The following EEF2K variants were observed in gnomAD, a reference collection of about 807,000 sequenced individuals.
EEF2K encodes alternative protein EEF2K.
In EEF2K, 70 loss-of-function variants were observed where a neutral mutation model predicts 93.8. The ratio of observed to expected loss-of-function variants is 0.75; its 90% CI spans 0.62 to 0.91. EEF2K has a LOEUF of 0.91. Among genes scored for constraint, EEF2K ranks in the 40% least tolerant of loss-of-function variants. EEF2K has a pLI of 0.00. For synonymous variants in EEF2K, 376 were observed against 380.8 expected, an observed-to-expected ratio of 0.99 and a Z score of 0.15; for missense variants, 935 against 972.9, an observed-to-expected ratio of 0.96 and a Z score of 0.52.
chr16:22,210,530 CT>C (rs1490258982), intron 1 of EEF2K, among the ~76,000 whole-genome samples: 2 of 152,164 alleles, frequency 1.3e-5, no homozygotes, highest in Non-Finnish European at 2.9e-5. Context: ...TGGTCCCATA[CT>C]TTTAGAAGCG....
chr16:22,252,053 C>T (rs929530239), intron 6 of EEF2K, among the ~76,000 whole-genome samples: 1 of 152,170 alleles, frequency 6.6e-6, no homozygotes, highest in Non-Finnish European at 1.5e-5. Flanking sequence ...CTCGGCCTCC[C>T]AAAGGGCTGG....
intron 2 of EEF2K, among the ~76,000 whole-genome samples, chr16:22,227,575 C>T (rs2047076204): frequency 6.6e-6 from 1 of 152,106 alleles, no homozygotes; most frequent in Admixed American, 6.6e-5. Context: ...TAGGTGCCAG[C>T]GTGGGTACTT....
intron 15 of EEF2K, among the ~76,000 whole-genome samples, chr16:22,268,641 T>G (rs2047548104): frequency 6.7e-6 from 1 of 149,860 alleles, no homozygotes; most frequent in Non-Finnish European, 1.5e-5. Context: ...CAAAGAAGTT[T>G]TTTTTTTTAA....
chr16:22,254,166 G>A (rs1272548672), intron 6 of EEF2K, among the ~76,000 whole-genome samples: 1 of 152,110 alleles, frequency 6.6e-6, no homozygotes, highest in Non-Finnish European at 1.5e-5. Context: ...TTGACTTAAG[G>A]GAGGGAGAGA....
chr16:22,272,433 C>T (rs554413623), intron 15 of EEF2K, among the ~76,000 whole-genome samples: 10 of 152,262 alleles, frequency 6.6e-5, no homozygotes, highest in Admixed American at 6.5e-4. Context: ...TCGCAAAGGA[C>T]CACATATTGT....
At chr16:22,250,023 C>T (rs1172824127) in intron 4 of EEF2K, among the ~76,000 whole-genome samples, 2 of 151,820 alleles carry the variant, frequency 1.3e-5, no homozygotes, top group Non-Finnish European at 2.9e-5. Context: ...CTCAGGTGAT[C>T]CACCCACCTC....
intron 16 of EEF2K, among the ~76,000 whole-genome samples, chr16:22,276,776 G>A (rs1337597855): frequency 2.6e-5 from 4 of 152,100 alleles, no homozygotes; most frequent in Admixed American, 2.0e-4. Flanking sequence ...TGTTAAAACC[G>A]AGCCCAGCAT....
chr16:22,215,540 T>C (rs947883440), intron 1 of EEF2K, among the ~76,000 whole-genome samples: 2 of 152,300 alleles, frequency 1.3e-5, no homozygotes, highest in African/African-American at 4.8e-5. Context: ...TGAGCACCCA[T>C]TATATGCTAG....
At position 22,273,713 on chromosome 16, in the gene EEF2K, C is replaced by A; in HGVS notation, c.1852C>A (p.Arg618=). 1 of 1,614,012 alleles carries A rather than the reference C, an allele frequency of 6.2e-7. No individual in the cohort carries two copies. Among genetic ancestry groups the A allele is most frequent in the South Asian group, 1.1e-5 (1 of 91,076 alleles). ...GDRQSMILVA[R]AFDSGQNLSP... ...CAGGCAGTCCATGATCCTAGTGGCG[C>A]GAGCTTTTGACTCTGGCCAGAACCT... Residue 618 remains arginine (R), a synonymous_variant, in exon 16 of 18, where the codon CGA becomes AGA. Transcript: ENST00000263026.
chr16:22,213,447 A>G (rs1450317853), intron 1 of EEF2K, among the ~76,000 whole-genome samples: 1 of 152,206 alleles, frequency 6.6e-6, no homozygotes, highest in South Asian at 2.1e-4. Context: ...TTGCACCCCT[A>G]GAGTTTCAAC....
Position 22,225,684 on chromosome 16 carries a change from C to G in EEF2K, c.-46C>G. Reference sequence around the variant, plus strand: ...TCGCCTCTGCATTTGTCCAGTAACTCTGGCTGTGCCGGATACTGCTTGGGT... The same window carrying G: ...TCGCCTCTGCATTTGTCCAGTAACTGTGGCTGTGCCGGATACTGCTTGGGT... On this transcript the variant is annotated 5_prime_UTR_variant, in exon 2 of 18. Coordinates refer to ENST00000263026, the MANE Select transcript of EEF2K (RefSeq NM_013302.5). 2 of 1,599,838 alleles carry G rather than the reference C, an allele frequency of 1.3e-6. No individual in the cohort carries two copies. The highest frequency in any genetic ancestry group is 1.3e-5 in the African/African-American group (1 of 74,742).
chr16:22,230,443 G>T (rs908176847), intron 2 of EEF2K, among the ~76,000 whole-genome samples: 10 of 151,964 alleles, frequency 6.6e-5, no homozygotes, highest in Non-Finnish European at 1.2e-4. Flanking sequence ...TTAACTCTTG[G>T]CCTCAAGTGA....
intron 6 of EEF2K, among the ~76,000 whole-genome samples, chr16:22,254,679 G>A (rs532444888): frequency 6.6e-6 from 1 of 152,212 alleles, no homozygotes; most frequent in South Asian, 2.1e-4. Context: ...AAAAAATTCG[G>A]CAAGGAATGT....
At chr16:22,273,346 C>T (rs1216546207) in intron 15 of EEF2K, among the ~76,000 whole-genome samples, 3 of 152,302 alleles carry the variant, frequency 2.0e-5, no homozygotes, top group South Asian at 4.1e-4. Context: ...CAGTAACTCT[C>T]AAGTGTTGCC....
At chr16:22,217,593 C>A (rs2046971025) in intron 1 of EEF2K, among the ~76,000 whole-genome samples, 1 of 151,998 alleles carries the variant, frequency 6.6e-6, no homozygotes. Flanking sequence ...ACTGGGATTA[C>A]CGGCTCGTGC....
intron 1 of EEF2K, among the ~76,000 whole-genome samples, chr16:22,212,981 T>TA (rs1215414431): frequency 6.8e-6 from 1 of 147,816 alleles, no homozygotes; most frequent in African/African-American, 2.5e-5. Flanking sequence ...CCCAGTCTCT[T>TA]AAAAAAGAAA....
Position 22,259,625 on chromosome 16 carries a change from A to G in EEF2K, c.1232-837A>G, listed in dbSNP as rs570228082. 6.6e-5 allele frequency among the ~76,000 whole-genome samples: 10 copies of G among 152,326 alleles called. No individual in the cohort carries two copies. In the East Asian group the frequency reaches 1.7e-3, roughly 26 times the overall value. On this transcript the variant is annotated intron_variant, in intron 10 of 17. Coordinates refer to ENST00000263026, the MANE Select transcript of EEF2K (RefSeq NM_013302.5). ...TAAAACTCTATGGATGGTGAAATTT[A>G]ATTTTTGTCATCCATTTAAAAATGT... is the stretch of plus-strand genomic sequence containing the variant.
intron 2 of EEF2K, among the ~76,000 whole-genome samples, chr16:22,231,424 T>A (rs1459714411): frequency 6.6e-6 from 1 of 151,902 alleles, no homozygotes; most frequent in Non-Finnish European, 1.5e-5. Context: ...CCTGATCCTA[T>A]TTTTATTAAA....
chr16:22,247,805 CCTTT>C lies in EEF2K; in HGVS notation c.348-947_348-944del, dbSNP rs1295382686. Among the ~76,000 whole-genome samples the C allele has an allele frequency of 2.6e-5, 4 of 152,106 alleles. No individual in the cohort carries two copies. In the East Asian group the frequency reaches 7.7e-4, roughly 29 times the overall value. ...TATGATGGGGAGGAAAGAGATCACT[CCTTT>C]CTACCCGTACACCGGCAGCCCTTCT... On this transcript the variant is annotated intron_variant, in intron 3 of 17. Transcript: ENST00000263026.
Sources: allele counts gnomAD v4.1 joint callset (sites outside exome capture counted in the v4.1 genomes callset), GRCh38; gene constraint gnomAD v4.1.1; transcripts MANE v1.5; gene names NCBI Gene and HGNC (gene_info 2026-07-23, HGNC 2026-07-21).